The following KAZN variants were observed in gnomAD, a reference collection of about 807,000 sequenced individuals.
KAZN encodes kazrin, periplakin interacting protein, also known as kazrin.
A neutral mutation model predicts 87.4 loss-of-function variants in KAZN; 40 were observed. The observed-to-expected ratio is 0.46, with a 90% CI of 0.36 to 0.60. KAZN has a LOEUF of 0.60. KAZN is among the 20% of genes least tolerant of loss of function. KAZN has a pLI of 0.00. For synonymous variants in KAZN, 466 were observed against 458.3 expected, an observed-to-expected ratio of 1.02 and a Z score of -0.22; for missense variants, 898 against 1,073.9, an observed-to-expected ratio of 0.84 and a Z score of 2.29.
At chr1:13,953,123 A>T (rs2101002367) in intron 1 of KAZN, among the ~76,000 whole-genome samples, 1 of 152,142 alleles carries the variant, frequency 6.6e-6, no homozygotes, top group African/African-American at 2.4e-5. Context: ...TTCAATAGAC[A>T]ATTGGCCTGG....
At chr1:14,717,829 G>T (rs1374994243) in intron 1 of KAZN, among the ~76,000 whole-genome samples, 2 of 152,254 alleles carry the variant, frequency 1.3e-5, no homozygotes, top group African/African-American at 4.8e-5. Context: ...AAAAAGGTCG[G>T]GCCTTGATGC....
intron 1 of KAZN, among the ~76,000 whole-genome samples, chr1:14,902,498 A>G (rs933300813): frequency 1.3e-5 from 2 of 152,076 alleles, no homozygotes; most frequent in Admixed American, 6.6e-5. Context: ...AAAGTGCTAG[A>G]ATTACAGGCG....
intron 2 of KAZN, among the ~76,000 whole-genome samples, chr1:14,327,366 C>T (rs1202392724): frequency 9.2e-5 from 14 of 152,110 alleles, no homozygotes; most frequent in Non-Finnish European, 1.9e-4. Flanking sequence ...TATTAGTCCC[C>T]CCACACGCTG....
intron 1 of KAZN, among the ~76,000 whole-genome samples, chr1:14,143,192 C>T (rs1236297576): frequency 1.3e-5 from 2 of 152,158 alleles, no homozygotes; most frequent in East Asian, 1.9e-4. Context: ...CATTGTTGCT[C>T]AGGGCATAAC....
At chr1:14,407,468 A>G (rs1257330493) in intron 2 of KAZN, among the ~76,000 whole-genome samples, 1 of 152,190 alleles carries the variant, frequency 6.6e-6, no homozygotes. Flanking sequence ...ATATGAAGTT[A>G]AGTGTGATTG....
At chr1:14,841,592 A>G (rs1648024023) in intron 1 of KAZN, among the ~76,000 whole-genome samples, 1 of 152,132 alleles carries the variant, frequency 6.6e-6, no homozygotes. Flanking sequence ...AGGGTACTGG[A>G]TGCTAGGGCT....
At chr1:14,027,098 C>T (rs16853444) in intron 1 of KAZN, among the ~76,000 whole-genome samples, 3,682 of 152,326 alleles carry the variant, frequency 0.024, 154 homozygotes, top group African/African-American at 0.085. Flanking sequence ...AAGGTAAACA[C>T]TTTATCCAAA....
intron 1 of KAZN, among the ~76,000 whole-genome samples, chr1:14,948,568 G>A (rs1376599094): frequency 1.3e-5 from 2 of 152,174 alleles, no homozygotes; most frequent in Non-Finnish European, 1.5e-5. Flanking sequence ...TGTTGACAGT[G>A]GGGGCTCCTG....
chr1:14,435,255 C>T (rs1031603676), intron 2 of KAZN, among the ~76,000 whole-genome samples: 24 of 152,180 alleles, frequency 1.6e-4, no homozygotes, highest in Non-Finnish European at 3.1e-4. Flanking sequence ...TACCCTTGGC[C>T]TCCCAGCTGA....
At position 14,462,264 on chromosome 1, in the gene KAZN, C is replaced by A. The variant is rs540650252; in HGVS notation, c.250-136719C>A. On this transcript the variant is annotated intron_variant, in intron 2 of 16. Transcript: ENST00000636203. ...AATTCCTGGCCACTAGGACAAGGGA[C>A]TAAGAGTGGAGACCGTTTGTGGTTT... is the stretch of plus-strand genomic sequence containing the variant. 1.5e-3 allele frequency among the ~76,000 whole-genome samples: 224 copies of A among 152,042 alleles called. 1 individual carries two copies. The highest frequency in any genetic ancestry group is 2.6e-3 in the Non-Finnish European group (177 of 67,976).
rs143298225 is a variant in KAZN, at chr1:14,185,758, T to C, written c.249+5166T>C. On this transcript the variant is annotated intron_variant, in intron 2 of 16. Transcript: ENST00000636203. Reference sequence around the variant, plus strand: ...AACTTCTGTACTCACCCTTCCTGTTTAGAAGAAATGGAGGATAAGACATAA... The same window carrying C: ...AACTTCTGTACTCACCCTTCCTGTTCAGAAGAAATGGAGGATAAGACATAA... Among the ~76,000 whole-genome samples, 461 of 152,318 alleles carry C rather than the reference T, an allele frequency of 3.0e-3. 1 individual carries two copies. The highest frequency in any genetic ancestry group is 0.011 in the African/African-American group (443 of 41,574).
At chr1:13,956,350 C>T (rs1234335322) in intron 1 of KAZN, among the ~76,000 whole-genome samples, 1 of 144,952 alleles carries the variant, frequency 6.9e-6, no homozygotes, top group Non-Finnish European at 1.5e-5. Flanking sequence ...GTCAGCTTGG[C>T]CAGTTCCAGC....
chr1:14,623,697 G>A (rs984819170), intron 1 of KAZN, among the ~76,000 whole-genome samples: 23 of 152,104 alleles, frequency 1.5e-4, no homozygotes. Flanking sequence ...GAAATTTCCT[G>A]AAGTATTGCT....
At chr1:13,946,745 G>C (rs1421069729) in intron 1 of KAZN, among the ~76,000 whole-genome samples, 1 of 152,136 alleles carries the variant, frequency 6.6e-6, no homozygotes, top group Non-Finnish European at 1.5e-5. Flanking sequence ...ACCTGACACT[G>C]TCTTTATCTG....
At chr1:14,444,837 T>A (rs936559492) in intron 2 of KAZN, among the ~76,000 whole-genome samples, 1 of 152,188 alleles carries the variant, frequency 6.6e-6, no homozygotes, top group Non-Finnish European at 1.5e-5. Context: ...TAGCCTCATA[T>A]CTACCCTGAA....
In KAZN at chr1:14,956,677, C is replaced by T. The variant is rs969678146; in HGVS notation, c.227-4007C>T. ...TGTGTGACAATGGACATACTGTTAG[C>T]AGTCACTCACACCTTATTGTGAAAT... On this transcript the variant is annotated intron_variant, in intron 1 of 14. Coordinates refer to ENST00000376030, the MANE Select transcript of KAZN (RefSeq NM_201628.3). 3.2e-4 allele frequency among the ~76,000 whole-genome samples: 48 copies of T among 152,028 alleles called. 1 individual carries two copies. Among genetic ancestry groups the T allele is most frequent in the Non-Finnish European group, 2.4e-4 (16 of 68,016 alleles).
At chr1:14,971,745 G>C (rs987562211) in intron 2 of KAZN, among the ~76,000 whole-genome samples, 1 of 145,338 alleles carries the variant, frequency 6.9e-6, no homozygotes, top group African/African-American at 2.6e-5. Context: ...GCAGTGGCGC[G>C]ATCTCTGCTC....
intron 2 of KAZN, among the ~76,000 whole-genome samples, chr1:14,547,572 A>T (rs975963573): frequency 2.6e-5 from 4 of 152,170 alleles, no homozygotes; most frequent in Non-Finnish European, 4.4e-5. Flanking sequence ...GGTTTTTAAA[A>T]TTTATTTTAA....
In KAZN at chr1:15,014,477, A is replaced by G. The variant is rs535015620; in HGVS notation, c.419-20272A>G. Among the ~76,000 whole-genome samples, 252 of 152,218 alleles carry G rather than the reference A, an allele frequency of 1.7e-3. 2 individuals carry two copies. The highest frequency in any genetic ancestry group is 5.9e-3 in the African/African-American group (245 of 41,494). On this transcript the variant is annotated intron_variant, in intron 2 of 14. Coordinates refer to ENST00000376030, the MANE Select transcript of KAZN (RefSeq NM_201628.3). Reference sequence around the variant, plus strand: ...TAATTCTGTCACCTTCTTCAGTGTCAGACCCTCTCCAGACCTAGTGGTCCC... The same window carrying G: ...TAATTCTGTCACCTTCTTCAGTGTCGGACCCTCTCCAGACCTAGTGGTCCC...
Sources: gnomAD v4.1 joint callset for allele counts (sites outside exome capture counted in the v4.1 genomes callset) on GRCh38, gnomAD v4.1.1 for gene constraint, MANE v1.5 for transcripts, NCBI Gene and HGNC (gene_info 2026-07-23, HGNC 2026-07-21) for gene names.